Variants in COL4A2 observed in about 807,000 individuals in gnomAD.
COL4A2 encodes collagen alpha-2(IV) chain.
In COL4A2, 99 loss-of-function variants were observed where a neutral mutation model predicts 200.2. The observed-to-expected ratio is 0.49, with a 90% CI of 0.42 to 0.58. The LOEUF is 0.58. Among genes scored for constraint, COL4A2 ranks in the 20% least tolerant of loss-of-function variants. The pLI is 0.00. For synonymous variants in COL4A2, 897 were observed against 900.6 expected, an observed-to-expected ratio of 1.00 and a Z score of 0.07; for missense variants, 1,950 against 2,314.1, an observed-to-expected ratio of 0.84 and a Z score of 3.23.
intron 4 of COL4A2, among the ~76,000 whole-genome samples, chr13:110,369,519 G>A (rs1169704751): frequency 6.6e-6 from 1 of 152,138 alleles, no homozygotes; most frequent in Non-Finnish European, 1.5e-5. Context: ...ATCATTGTGA[G>A]ACCTTTAAAA....
At chr13:110,510,894 C>T (rs1203409464) in intron 47 of COL4A2, among the ~76,000 whole-genome samples, 2 of 152,194 alleles carry the variant, frequency 1.3e-5, no homozygotes, top group Admixed American at 1.3e-4. Flanking sequence ...TTATTACCTG[C>T]TCATTAGCAG....
chr13:110,311,022 T>G (rs561049809), intron 3 of COL4A2, among the ~76,000 whole-genome samples: 1 of 152,312 alleles, frequency 6.6e-6, no homozygotes, highest in South Asian at 2.1e-4. Context: ...GGGAGGGCAC[T>G]CCTGAGTTTC....
rs142930305 is a variant in COL4A2, at chr13:110,393,827, C to T, written c.181-30907C>T. 8.5e-4 allele frequency among the ~76,000 whole-genome samples: 129 copies of T among 152,118 alleles called. 1 individual carries two copies. The highest frequency in any genetic ancestry group is 2.9e-3 in the African/African-American group (122 of 41,498). On this transcript the variant is annotated intron_variant, in intron 4 of 47. Transcript: ENST00000360467. ...CTGGGAGGCAGAGGTTACAGGGAGC[C>T]GAGATCGCACCACTGCACTCCAGCC... is the stretch of plus-strand genomic sequence containing the variant.
chr13:110,387,762 A>G lies in COL4A2; in HGVS notation c.180+30210A>G, dbSNP rs376125057. Among the ~76,000 whole-genome samples, 52 of 152,280 alleles carry G rather than the reference A, an allele frequency of 3.4e-4. No homozygotes were observed. The South Asian group carries it at 8.1e-3, about 24-fold the overall frequency. On this transcript the variant is annotated intron_variant, in intron 4 of 47. Transcript: ENST00000360467. Reference sequence around the variant, plus strand: ...AGTGACATCACGGTTTCCTCTTTTAAGGCGATTCTGAGGCTTCCTTCTCCC... The same window carrying G: ...AGTGACATCACGGTTTCCTCTTTTAGGGCGATTCTGAGGCTTCCTTCTCCC...
Position 110,307,837 on chromosome 13 carries a change from C to T in COL4A2, c.-44-23C>T, listed in dbSNP as rs984158542. The T allele has an allele frequency of 2.6e-6, 4 of 1,546,314 alleles. No individual in the cohort carries two copies. In the African/African-American group the frequency reaches 4.1e-5, roughly 16 times the overall value. The stretch of plus-strand genomic sequence containing the variant: ...GCTGCCTCCCTCATCCTGCGCTAAA[C>T]TCGCTTTGTCTGTCGCCTCTAGGCT... On this transcript the variant is annotated intron_variant, in intron 1 of 47. Coordinates refer to ENST00000360467, the MANE Select transcript of COL4A2 (RefSeq NM_001846.4). This position sits in a 1 kb window ranked among gnomAD's most constrained non-coding sequence, Gnocchi z 5.0.
intron 3 of COL4A2, among the ~76,000 whole-genome samples, chr13:110,339,327 G>A (rs1273370986): frequency 1.3e-5 from 2 of 152,232 alleles, no homozygotes; most frequent in African/African-American, 2.4e-5. Context: ...TGAGATTCCT[G>A]GATGGAGGGA....
At position 110,466,076 on chromosome 13, in the gene COL4A2, T is replaced by C. The variant is rs1882229256; in HGVS notation, c.2038+14T>C. 6.2e-7 allele frequency: 1 copy of C among 1,612,482 alleles called. No individual in the cohort carries two copies. Among genetic ancestry groups the C allele is most frequent in the East Asian group, 2.2e-5 (1 of 44,832 alleles). On this transcript the variant is annotated intron_variant, in intron 26 of 47. Coordinates refer to ENST00000360467, the MANE Select transcript of COL4A2 (RefSeq NM_001846.4). Reference sequence around the variant, plus strand: ...CCATCCAGCCAGGTACTCTGGGAAGTGCAGGTGGCTTTAGGACACTAGAGA... The same window carrying C: ...CCATCCAGCCAGGTACTCTGGGAAGCGCAGGTGGCTTTAGGACACTAGAGA...
intron 4 of COL4A2, among the ~76,000 whole-genome samples, chr13:110,404,761 A>G (rs1879501618): frequency 6.6e-6 from 1 of 152,242 alleles, no homozygotes; most frequent in Non-Finnish European, 1.5e-5. Flanking sequence ...TCCCAGAGAA[A>G]GAGGAGGTTA....
chr13:110,309,485 C>T (rs1233363584), intron 3 of COL4A2, among the ~76,000 whole-genome samples: 1 of 152,230 alleles, frequency 6.6e-6, no homozygotes, highest in Non-Finnish European at 1.5e-5. Context: ...CGCGCACGCA[C>T]GCACACTCAA....
chr13:110,440,273 C>CT (rs751822380), intron 16 of COL4A2, among the ~76,000 whole-genome samples: 84 of 151,896 alleles, frequency 5.5e-4, no homozygotes, highest in African/African-American at 1.6e-3. Context: ...AGATTTTTGG[C>CT]TTTTTTTTAG....
At chr13:110,451,127 G>T (rs753541290) in intron 20 of COL4A2, among the ~76,000 whole-genome samples, 3 of 152,182 alleles carry the variant, frequency 2.0e-5, no homozygotes, top group Non-Finnish European at 4.4e-5. Context: ...GCTCTTTCAG[G>T]TTATAACGTT....
chr13:110,459,045 A>G (rs1297324595), intron 22 of COL4A2, 111 bp downstream of exon 22: 3 of 1,093,302 alleles, frequency 2.7e-6, no homozygotes, highest in South Asian at 1.8e-5. Context: ...GGCAACACTC[A>G]TGGACCCAAG....
rs1248703018 is a variant in COL4A2 at position 110,503,379 on chromosome 13, G to A, written c.4040-4G>A. 1.3e-6 allele frequency: 2 copies of A among 1,592,820 alleles called. No individual in the cohort carries two copies. Among genetic ancestry groups the A allele is most frequent in the African/African-American group, 1.3e-5 (1 of 74,198 alleles). Reference sequence around the variant, plus strand: ...GTGTCCCTAACGTCTTGTTTGTGTTGCAGGGCCCAGGGGTGAACAAGGCTT... The same window carrying A: ...GTGTCCCTAACGTCTTGTTTGTGTTACAGGGCCCAGGGGTGAACAAGGCTT... On this transcript the variant is annotated splice_polypyrimidine_tract_variant and splice_region_variant and intron_variant, in intron 42 of 47. Transcript: ENST00000360467.
intron 3 of COL4A2, among the ~76,000 whole-genome samples, chr13:110,320,346 T>G (rs1220793882): frequency 6.6e-6 from 1 of 152,216 alleles, no homozygotes; most frequent in East Asian, 1.9e-4. Context: ...AGTGCTGTGA[T>G]TTCTGGGCGA....
At chr13:110,489,611 C>T (rs1883217316) in intron 35 of COL4A2, 100 bp from the exon 36 acceptor site, 2 of 1,591,106 alleles carry the variant, frequency 1.3e-6, no homozygotes, top group Non-Finnish European at 1.7e-6. Context: ...TATTTTAAAA[C>T]AAATTATTCT....
Position 110,506,498 on chromosome 13 carries a change from A to G in COL4A2, c.4486A>G (p.Ser1496Gly). ...VSIGYLLVKH[S>G]QTDQEPMCPV... is the part of the protein sequence containing the mutation. The stretch of plus-strand genomic sequence containing the variant: ...CATCGGCTACCTCCTGGTGAAGCAC[A>G]GCCAGACGGACCAGGAGCCCATGTG... Residue 1496 changes from serine to glycine, a missense_variant, in exon 46 of 48, where the codon AGC becomes GGC. Around this residue, in one of 2 missense-constraint regions of COL4A2, gnomAD observed 1,385 missense variants for 1,720.5 expected, o/e 0.80. Transcript: ENST00000360467. 1 of 1,612,882 alleles carries G rather than the reference A, an allele frequency of 6.2e-7. No homozygotes were observed. Among genetic ancestry groups the G allele is most frequent in the Non-Finnish European group, 8.5e-7 (1 of 1,179,794 alleles).
chr13:110,437,873 TA>T, intron 13 of COL4A2, 128 bp from the exon 14 acceptor site: 1 of 792,164 alleles, frequency 1.3e-6, no homozygotes, highest in Non-Finnish European at 2.2e-6. Context: ...TCATGTGTTG[TA>T]ATCAATTTAT....
At chr13:110,443,591 G>C (rs978115730) in intron 16 of COL4A2, among the ~76,000 whole-genome samples, 2 of 152,212 alleles carry the variant, frequency 1.3e-5, no homozygotes, top group African/African-American at 4.8e-5. Flanking sequence ...AGATTTGGGG[G>C]AGGGCCGGGG....
chr13:110,434,583 A>G, intron 12 of COL4A2, 141 bp downstream of exon 12: 1 of 833,708 alleles, frequency 1.2e-6, no homozygotes, highest in Admixed American at 2.3e-5. Flanking sequence ...TAGGGAAATA[A>G]TCATTGCAAA....
Sources: allele counts gnomAD v4.1 joint callset (sites outside exome capture counted in the v4.1 genomes callset), GRCh38; gene constraint gnomAD v4.1.1; regional missense constraint gnomAD v4.1.1; non-coding constraint Gnocchi (gnomAD v3.1); transcripts MANE v1.5; gene names NCBI Gene and HGNC (gene_info 2026-07-23, HGNC 2026-07-21).